ADGRB3: variants seen among roughly 807,000 people sequenced by gnomAD.
ADGRB3 encodes the protein brain-specific angiogenesis inhibitor 3.
In ADGRB3, 37 loss-of-function variants were observed where a neutral mutation model predicts 193.4. The observed-to-expected ratio is 0.19, with a 90% CI of 0.15 to 0.25. The LOEUF (loss-of-function observed/expected upper bound fraction) is 0.25, where lower values mean the gene tolerates loss of function less well. Among genes scored for constraint, ADGRB3 ranks in the 10% least tolerant of loss-of-function variants. The pLI is 1.00. For synonymous variants in ADGRB3, 690 were observed against 644.2 expected, an observed-to-expected ratio of 1.07 and a Z score of -1.08; for missense variants, 1,637 against 1,852.9, an observed-to-expected ratio of 0.88 and a Z score of 2.14.
chr6:68,679,407 A>G (rs1764838688), intron 3 of ADGRB3, among the ~76,000 whole-genome samples: 1 of 152,182 alleles, frequency 6.6e-6, no homozygotes, highest in African/African-American at 2.4e-5. Flanking sequence ...GAACGCTTGC[A>G]CAGAAGGCAC....
chr6:69,053,137 G>A (rs1269981197), intron 15 of ADGRB3, among the ~76,000 whole-genome samples: 2 of 152,136 alleles, frequency 1.3e-5, no homozygotes, highest in African/African-American at 4.8e-5. Flanking sequence ...AGTGAGCAGA[G>A]ATCCCACCAT....
chr6:69,339,820 G>A (rs1335419001), intron 26 of ADGRB3, among the ~76,000 whole-genome samples: 3 of 152,132 alleles, frequency 2.0e-5, no homozygotes, highest in Non-Finnish European at 4.4e-5. Flanking sequence ...AAAAACTAGT[G>A]AATAAGAGGG....
chr6:68,972,378 A>T (rs1207284895), intron 8 of ADGRB3, among the ~76,000 whole-genome samples: 1 of 152,140 alleles, frequency 6.6e-6, no homozygotes, highest in Non-Finnish European at 1.5e-5. Flanking sequence ...TTAACAGCCC[A>T]GGTGCTTTGA....
chr6:69,206,748 G>A (rs1439938478), intron 17 of ADGRB3, among the ~76,000 whole-genome samples: 2 of 152,274 alleles, frequency 1.3e-5, no homozygotes, highest in South Asian at 4.2e-4. Flanking sequence ...TACAGTCCTC[G>A]TTTCTGCAGC....
At chr6:68,784,332 G>A (rs1471276774) in intron 3 of ADGRB3, among the ~76,000 whole-genome samples, 2 of 152,096 alleles carry the variant, frequency 1.3e-5, no homozygotes, top group Non-Finnish European at 2.9e-5. Context: ...AGGCTGAGAA[G>A]CGATACCAGT....
chr6:69,104,033 T>C (rs973674319), intron 17 of ADGRB3, among the ~76,000 whole-genome samples: 5 of 152,130 alleles, frequency 3.3e-5, no homozygotes, highest in Non-Finnish European at 7.4e-5. Flanking sequence ...ACTTTAGTTT[T>C]TAATTTTTTT....
intron 3 of ADGRB3, among the ~76,000 whole-genome samples, chr6:68,669,531 T>C (rs1768890238): frequency 6.6e-6 from 1 of 151,636 alleles, no homozygotes; most frequent in African/African-American, 2.4e-5. Context: ...TCACATAACA[T>C]AATGATCTCC....
intron 8 of ADGRB3, among the ~76,000 whole-genome samples, chr6:68,967,604 C>G (rs1382864189): frequency 1.3e-5 from 2 of 151,904 alleles, no homozygotes; most frequent in South Asian, 2.1e-4. Flanking sequence ...ATCCACCCCC[C>G]ACCTCCACCC....
At chr6:69,040,378 C>CTTTCTTTCTTTCTTTCT (rs1562133289) in intron 13 of ADGRB3, among the ~76,000 whole-genome samples, 2 of 21,356 alleles carry the variant, frequency 9.4e-5, no homozygotes, top group Non-Finnish European at 1.3e-4. Flanking sequence ...TCTTTCTTTC[C>CTTTCTTTCTTTCTTTCT]TTCTCTCTCT....
intron 13 of ADGRB3, among the ~76,000 whole-genome samples, chr6:69,042,947 T>C (rs1037411254): frequency 6.6e-6 from 1 of 152,192 alleles, no homozygotes. Flanking sequence ...TGAGGTGCCA[T>C]TGCGTGAGTG....
intron 17 of ADGRB3, among the ~76,000 whole-genome samples, chr6:69,152,871 T>G (rs1774719565): frequency 6.6e-6 from 1 of 152,198 alleles, no homozygotes; most frequent in African/African-American, 2.4e-5. Flanking sequence ...TCTAAATAAA[T>G]TGTAAAAGAG....
At chr6:69,366,483 C>T (rs190634040) in intron 29 of ADGRB3, among the ~76,000 whole-genome samples, 1 of 152,122 alleles carries the variant, frequency 6.6e-6, no homozygotes, top group African/African-American at 2.4e-5. Flanking sequence ...TGAAGTATTC[C>T]CTTTGAGAAA....
At chr6:68,991,208 A>G (rs1769227342) in intron 10 of ADGRB3, among the ~76,000 whole-genome samples, 3 of 152,156 alleles carry the variant, frequency 2.0e-5, no homozygotes, top group Admixed American at 1.3e-4. Flanking sequence ...ACTTAATCCT[A>G]TGACCTAACA....
At chr6:69,129,735 G>A (rs567015231) in intron 17 of ADGRB3, among the ~76,000 whole-genome samples, 3 of 152,228 alleles carry the variant, frequency 2.0e-5, no homozygotes, top group East Asian at 3.9e-4. Context: ...GTTCAGGTCA[G>A]GTGTAAATGA....
In ADGRB3 at chr6:69,334,563, C is replaced by T. The variant is rs535463582; in HGVS notation, c.3188+1555C>T. On this transcript the variant is annotated intron_variant, in intron 24 of 31. Coordinates refer to ENST00000370598, the MANE Select transcript of ADGRB3 (RefSeq NM_001704.3). ...TATGTAGACTTGAACGTAGTACAAGCACAGCTTTCTAGATCATTTGAACAC... is the reference window on the plus strand; with the variant it reads ...TATGTAGACTTGAACGTAGTACAAGTACAGCTTTCTAGATCATTTGAACAC... Among the ~76,000 whole-genome samples, 50 of 152,238 alleles carry T rather than the reference C, an allele frequency of 3.3e-4. No homozygotes were observed. The South Asian group carries it at 9.3e-3, about 28-fold the overall frequency.
chr6:68,955,974 T>C (rs1768059577), intron 6 of ADGRB3, 50 bp from the exon 7 acceptor site: 2 of 1,586,224 alleles, frequency 1.3e-6, no homozygotes, highest in Non-Finnish European at 1.7e-6. Flanking sequence ...TCTGTACAGC[T>C]TGTCCTATTG....
intron 3 of ADGRB3, among the ~76,000 whole-genome samples, chr6:68,698,877 G>A (rs919728486): frequency 1.3e-5 from 2 of 152,080 alleles, no homozygotes; most frequent in Non-Finnish European, 2.9e-5. Flanking sequence ...TCTTAGATGT[G>A]TTGATTGAAA....
At chr6:68,764,481 A>G (rs1766470779) in intron 3 of ADGRB3, among the ~76,000 whole-genome samples, 1 of 152,206 alleles carries the variant, frequency 6.6e-6, no homozygotes, top group Non-Finnish European at 1.5e-5. Flanking sequence ...AACAGGAGAT[A>G]TCAGACTGCT....
chr6:68,710,919 C>T (rs890908759), intron 3 of ADGRB3, among the ~76,000 whole-genome samples: 2 of 152,048 alleles, frequency 1.3e-5, no homozygotes, highest in African/African-American at 4.8e-5. Context: ...CCCTTTTATT[C>T]CTTCTTTCCT....
Sources: allele counts gnomAD v4.1 joint callset (sites outside exome capture counted in the v4.1 genomes callset), GRCh38; gene constraint gnomAD v4.1.1; transcripts MANE v1.5; gene names NCBI Gene and HGNC (gene_info 2026-07-23, HGNC 2026-07-21).